Variants in PSMD1 observed in about 807,000 individuals in gnomAD.
PSMD1 encodes proteasome 26S subunit, non-ATPase 1, also known as 26S proteasome non-ATPase regulatory subunit 1.
Under a neutral mutation model 119.0 loss-of-function variants are expected in PSMD1, and 18 were observed. That is an observed-to-expected ratio of 0.15 (90% confidence interval 0.10 to 0.22). The LOEUF is 0.22. PSMD1 is among the 10% of genes least tolerant of loss of function. The pLI, the probability that PSMD1 is intolerant of heterozygous loss-of-function variation, is 1.00. For missense variants in PSMD1, 702 were observed against 1,158.5 expected, an observed-to-expected ratio of 0.61 and a Z score of 5.72; for synonymous variants, 374 against 396.6, an observed-to-expected ratio of 0.94 and a Z score of 0.68.
intron 16 of PSMD1, among the ~76,000 whole-genome samples, chr2:231,119,000 C>A (rs1270352218): frequency 6.6e-6 from 1 of 152,148 alleles, no homozygotes; most frequent in Non-Finnish European, 1.5e-5. Flanking sequence ...TAGTTCAGTT[C>A]AAATTATTGT....
At chr2:231,094,906 T>C (rs1216418284) in intron 16 of PSMD1, among the ~76,000 whole-genome samples, 1 of 152,248 alleles carries the variant, frequency 6.6e-6, no homozygotes, top group Non-Finnish European at 1.5e-5. Flanking sequence ...GGTCATAACC[T>C]AGTGACTGAT....
chr2:231,108,311 T>C (rs1695025573), intron 16 of PSMD1: 3 of 521,730 alleles, frequency 5.8e-6, no homozygotes, highest in Non-Finnish European at 1.0e-5. Flanking sequence ...CTGGATTGTT[T>C]TCATTTGTAG....
chr2:231,059,244 G>A (rs1693697149), intron 1 of PSMD1, among the ~76,000 whole-genome samples: 1 of 152,162 alleles, frequency 6.6e-6, no homozygotes, highest in African/African-American at 2.4e-5. Flanking sequence ...TGCCATTTAA[G>A]TTTATTGGAT....
chr2:231,062,544 A>T lies in PSMD1; in HGVS notation c.173A>T (p.Gln58Leu). The T allele has an allele frequency of 2.5e-6, 4 of 1,604,772 alleles. No individual in the cohort carries two copies. The highest frequency in any genetic ancestry group is 3.4e-6 in the Non-Finnish European group (4 of 1,177,332). Residue 58 changes from glutamine to leucine, a missense_variant, in exon 4 of 25, where the codon CAG (glutamine) becomes CTG (leucine). This residue lies in a region of PSMD1 where 60 missense variants were observed against 118.2 expected (regional missense o/e 0.51). Coordinates refer to ENST00000308696, the MANE Select transcript of PSMD1 (RefSeq NM_002807.4). ...GAAGATGAAGGTTTCCGGAGTCGGC[A>T]GTTTGCAGCCTTAGTGGCATCTAAA... ...LYEDEGFRSR[Q>L]FAALVASKVF... is the part of the protein sequence containing the mutation.
intron 23 of PSMD1, among the ~76,000 whole-genome samples, chr2:231,166,508 CT>C (rs57532122): frequency 0.023 from 3,384 of 148,154 alleles, 134 homozygotes; most frequent in African/African-American, 0.078. Flanking sequence ...ACACCGTTGT[CT>C]TTTTTTTTTT....
intron 24 of PSMD1, among the ~76,000 whole-genome samples, chr2:231,171,069 A>G (rs1362546312): frequency 6.6e-6 from 1 of 152,196 alleles, no homozygotes; most frequent in Admixed American, 6.5e-5. Flanking sequence ...CAGTTTGCTT[A>G]GTGATAGAGC....
rs540366686 is a variant in PSMD1, at chr2:231,131,761, CAAAAAAAAAAAAA to C, written c.1884-6961_1884-6949del. 2.3e-3 allele frequency among the ~76,000 whole-genome samples: 27 copies of C among 11,832 alleles called. 6 individuals carry two copies. Among genetic ancestry groups the C allele is most frequent in the African/African-American group, 3.8e-3 (2 of 520 alleles). The allele number at this position is 11,832 out of a possible 152,430, so 7.8% of individuals were successfully genotyped here. Reference sequence around the variant, plus strand: ...TGGGCGACAGAGCGAGACTCCGTCTCAAAAAAAAAAAAAAAAAAAAAAAAAAGAAAGTTTTTTT... The same window carrying C: ...TGGGCGACAGAGCGAGACTCCGTCTCAAAAAAAAAAAAAGAAAGTTTTTTT... On this transcript the variant is annotated intron_variant, in intron 16 of 24. Coordinates refer to ENST00000308696, the MANE Select transcript of PSMD1 (RefSeq NM_002807.4).
chr2:231,088,535 A>T (rs1694509887), intron 16 of PSMD1, among the ~76,000 whole-genome samples: 1 of 152,148 alleles, frequency 6.6e-6, no homozygotes, highest in Non-Finnish European at 1.5e-5. Flanking sequence ...TCGTTATTTT[A>T]TCTGTTATGG....
Position 231,077,024 on chromosome 2 carries a change from G to GT in PSMD1, c.943-6dup. On this transcript the variant is annotated splice_polypyrimidine_tract_variant and intron_variant, in intron 8 of 24. Transcript: ENST00000308696. ...ATGAGTTTTCATTTTTTTTTTGTTT[G>GT]TTTTGGCAGAGTCCAGAGCCTAAGG... 6.4e-7 allele frequency: 1 copy of GT among 1,570,468 alleles called. No individual in the cohort carries two copies. Among genetic ancestry groups the GT allele is most frequent in the Non-Finnish European group, 8.6e-7 (1 of 1,166,486 alleles).
intron 4 of PSMD1, among the ~76,000 whole-genome samples, chr2:231,065,926 A>G (rs1693899955): frequency 6.6e-6 from 1 of 152,236 alleles, no homozygotes; most frequent in Non-Finnish European, 1.5e-5. Context: ...CTGCATAGAC[A>G]ACAGATGTCC....
chr2:231,134,360 T>C (rs1695922709), intron 16 of PSMD1, among the ~76,000 whole-genome samples: 1 of 152,194 alleles, frequency 6.6e-6, no homozygotes, highest in African/African-American at 2.4e-5. Context: ...AGAACCGCTG[T>C]ATCAGACAAT....
chr2:231,075,059 T>G (rs1694128942), intron 7 of PSMD1, among the ~76,000 whole-genome samples: 1 of 152,194 alleles, frequency 6.6e-6, no homozygotes. Context: ...TGGTACCTTC[T>G]TTATCTTTGT....
chr2:231,128,515 G>A (rs771356910), intron 16 of PSMD1, among the ~76,000 whole-genome samples: 14 of 152,200 alleles, frequency 9.2e-5, no homozygotes, highest in Non-Finnish European at 2.9e-5. Context: ...CTGACTGCCT[G>A]TTATTTTAAC....
At chr2:231,145,850 G>A (rs1457243671) in intron 17 of PSMD1, among the ~76,000 whole-genome samples, 2 of 124,298 alleles carry the variant, frequency 1.6e-5, no homozygotes, top group African/African-American at 3.2e-5. Context: ...CCAAGATCGC[G>A]CCATTGCACT....
chr2:231,078,968 T>C (rs1574712405), intron 10 of PSMD1, among the ~76,000 whole-genome samples: 1 of 152,100 alleles, frequency 6.6e-6, no homozygotes, highest in East Asian at 1.9e-4. Context: ...CTAATTTTTA[T>C]ATTTTTAGTA....
At chr2:231,093,220 G>T (rs1198777271) in intron 16 of PSMD1, among the ~76,000 whole-genome samples, 1 of 152,208 alleles carries the variant, frequency 6.6e-6, no homozygotes, top group Non-Finnish European at 1.5e-5. Flanking sequence ...ATAGAGAGTA[G>T]CAGGTGCAGG....
chr2:231,160,050 G>A (rs779022513), intron 19 of PSMD1, among the ~76,000 whole-genome samples: 7 of 152,210 alleles, frequency 4.6e-5, no homozygotes, highest in Non-Finnish European at 8.8e-5. Flanking sequence ...GCCATGGACA[G>A]GTCTGCAGCC....
chr2:231,076,999 A>G (rs1314439167), intron 8 of PSMD1, 35 bp from the exon 9 acceptor site: 2 of 1,576,804 alleles, frequency 1.3e-6, no homozygotes, highest in East Asian at 4.5e-5. Flanking sequence ...AATACTGTTT[A>G]TGAGTTTTCA....
At chr2:231,066,411 A>G (rs1254903883) in intron 4 of PSMD1, among the ~76,000 whole-genome samples, 4 of 152,236 alleles carry the variant, frequency 2.6e-5, no homozygotes, top group Non-Finnish European at 4.4e-5. Context: ...CTTTTAAAAT[A>G]TCTTCAGTAA....
Sources: allele counts gnomAD v4.1 joint callset (sites outside exome capture counted in the v4.1 genomes callset), GRCh38; gene constraint gnomAD v4.1.1; regional missense constraint gnomAD v4.1.1; transcripts MANE v1.5; gene names NCBI Gene and HGNC (gene_info 2026-07-23, HGNC 2026-07-21).